The following AUNIP variants were observed in gnomAD, a reference collection of about 807,000 sequenced individuals.
The protein encoded by AUNIP is aurora kinase A and ninein interacting protein, also known as aurora kinase A- and ninein-interacting protein.
A neutral mutation model predicts 12.2 loss-of-function variants in AUNIP; 16 were observed. That is an observed-to-expected ratio of 1.31 (90% CI 0.88 to 1.99). AUNIP has a LOEUF of 1.99. AUNIP is among the 30% of genes most tolerant of loss of function. The pLI is 0.00. For synonymous variants in AUNIP, 142 were observed against 154.8 expected, an observed-to-expected ratio of 0.92 and a Z score of 0.61; for missense variants, 411 against 419.1, an observed-to-expected ratio of 0.98 and a Z score of 0.17.
Position 25,859,454 on chromosome 1 carries a change from C to A in AUNIP, c.-97G>T, listed in dbSNP as rs890264693. 2.6e-6 allele frequency: 3 copies of A among 1,170,152 alleles called. No homozygotes were observed. The highest frequency in any genetic ancestry group is 3.3e-5 in the African/African-American group (2 of 60,692). The allele number at this position is 1,170,152 out of a possible 1,614,324, so 72.5% of individuals were successfully genotyped here. On this transcript the variant is annotated 5_prime_UTR_variant, in exon 1 of 3. Coordinates refer to ENST00000374298, the MANE Select transcript of AUNIP (RefSeq NM_024037.3). ...GGCCGCCGACGTTCGGATCTCGCGC[C>A]AACGCTGGGGGCGGGGCTACGTCGC...
intron 1 of AUNIP, among the ~76,000 whole-genome samples, chr1:25,852,055 T>G (rs1227932603): frequency 1.3e-5 from 2 of 152,132 alleles, no homozygotes; most frequent in Admixed American, 6.6e-5. Context: ...CTGGGTTCAG[T>G]GATCCTTACA....
intron 2 of AUNIP, among the ~76,000 whole-genome samples, chr1:25,837,136 T>TC (rs2048309016): frequency 6.6e-6 from 1 of 152,200 alleles, no homozygotes. Flanking sequence ...CCAGTGCACC[T>TC]CCAACTCCCA....
chr1:25,839,110 C>T lies in AUNIP; in HGVS notation c.79-1556G>A, dbSNP rs1178136203. ...AGATACATGAAAAAATTGATATAAA[C>T]AGCAGACAACAGGCAGTAAAGAATT... On this transcript the variant is annotated intron_variant, in intron 1 of 2. Transcript: ENST00000374298. Among the ~76,000 whole-genome samples the T allele has an allele frequency of 2.0e-5, 3 of 152,186 alleles. No homozygotes were observed. The East Asian group carries it at 5.8e-4, about 29-fold the overall frequency.
intron 1 of AUNIP, among the ~76,000 whole-genome samples, chr1:25,858,953 C>T (rs1427347958): frequency 6.6e-6 from 1 of 152,120 alleles, no homozygotes; most frequent in Non-Finnish European, 1.5e-5. Flanking sequence ...ACTGTGGCCT[C>T]CTAGGGAGCC....
At position 25,847,048 on chromosome 1, in the gene AUNIP, A is replaced by C. The variant is rs2048387776; in HGVS notation, c.79-9494T>G. 6.6e-6 allele frequency among the ~76,000 whole-genome samples: 1 copy of C among 152,234 alleles called. No homozygotes were observed. The highest frequency in any genetic ancestry group is 2.4e-5 in the African/African-American group (1 of 41,468). On this transcript the variant is annotated intron_variant, in intron 1 of 2. Coordinates refer to ENST00000374298, the MANE Select transcript of AUNIP (RefSeq NM_024037.3). The surrounding 1 kb of genome is among the most constrained non-coding windows in gnomAD (Gnocchi z 4.2). ...CAGAAGTATTGTAGTATATGGATAC[A>C]ATCAGCAGCTATATACCTATTCTCC...
chr1:25,842,377 C>T (rs183015569), intron 1 of AUNIP, among the ~76,000 whole-genome samples: 12 of 152,240 alleles, frequency 7.9e-5, no homozygotes, highest in East Asian at 5.8e-4. Flanking sequence ...AGGTGAGGAA[C>T]GCCACAGAAG....
chr1:25,858,182 T>A (rs908984134), intron 1 of AUNIP, among the ~76,000 whole-genome samples: 3 of 151,906 alleles, frequency 2.0e-5, no homozygotes, highest in East Asian at 1.9e-4. Context: ...ATAATAATAA[T>A]AAATAATAAT....
intron 1 of AUNIP, among the ~76,000 whole-genome samples, chr1:25,843,184 A>AT (rs1335436027): frequency 0.077 from 10,614 of 137,132 alleles, 432 homozygotes; most frequent in Non-Finnish European, 0.1. Flanking sequence ...AAAAAAAAAA[A>AT]AATATATATA....
At position 25,847,981 on chromosome 1, in the gene AUNIP, C is replaced by T. The variant is rs1030768182; in HGVS notation, c.79-10427G>A. Among the ~76,000 whole-genome samples, 3 of 151,980 alleles carry T rather than the reference C, an allele frequency of 2.0e-5. No individual in the cohort carries two copies. The highest frequency in any genetic ancestry group is 4.4e-5 in the Non-Finnish European group (3 of 67,968). On this transcript the variant is annotated intron_variant, in intron 1 of 2. Transcript: ENST00000374298. The surrounding 1 kb of genome is among the most constrained non-coding windows in gnomAD (Gnocchi z 4.2). Reference sequence around the variant, plus strand: ...AAAATAAACAACTAAAAATAAACAACTTTCAACTTCTGCCATCCTGGACTA... The same window carrying T: ...AAAATAAACAACTAAAAATAAACAATTTTCAACTTCTGCCATCCTGGACTA...
chr1:25,839,920 C>A (rs758801930), intron 1 of AUNIP, among the ~76,000 whole-genome samples: 1 of 152,180 alleles, frequency 6.6e-6, no homozygotes, highest in Non-Finnish European at 1.5e-5. Context: ...GCCCACCTGG[C>A]CTCCCGAAGT....
Position 25,835,784 on chromosome 1 carries a change from CTT to C in AUNIP, c.281_282del (p.Lys94ArgfsTer58), listed in dbSNP as rs749444706. 2 of 1,614,182 alleles carry C rather than the reference CTT, an allele frequency of 1.2e-6. No individual in the cohort carries two copies. Among genetic ancestry groups the C allele is most frequent in the Non-Finnish European group, 1.7e-6 (2 of 1,180,040 alleles). ...VSSHTESQINKESKKNATQLD... is the reference protein window; with the variant it reads ...VSSHTESQINXESKKNATQLD... ...AGCTGGGTCGCATTTTTCTTGGACT[CTT>C]TGTTGATCTGACTTTCTGTATGAGA... On this transcript the variant is annotated frameshift_variant, in exon 3 of 3. Transcript: ENST00000374298. LOFTEE classifies it low-confidence loss of function (END_TRUNC).
At position 25,852,462 on chromosome 1, in the gene AUNIP, TG is replaced by T. The variant is rs199625219; in HGVS notation, c.78+6817del. Among the ~76,000 whole-genome samples, 504 of 123,920 alleles carry T rather than the reference TG, an allele frequency of 4.1e-3. 11 individuals are homozygous for T. Among genetic ancestry groups the T allele is most frequent in the African/African-American group, 5.5e-3 (179 of 32,368 alleles). The allele number at this position is 123,920 out of a possible 152,430, so 81.3% of individuals were successfully genotyped here. On this transcript the variant is annotated intron_variant, in intron 1 of 2. Coordinates refer to ENST00000374298, the MANE Select transcript of AUNIP (RefSeq NM_024037.3). ...GATTATTTAAGGTTTTTTTTTTTGT[TG>T]TTTTTTTTTTTGAGACAGGAGTTTC...
Position 25,835,810 on chromosome 1 carries a change from G to A in AUNIP, c.257C>T (p.Ser86Phe), listed in dbSNP as rs765567579. 1 of 1,614,150 alleles carries A rather than the reference G, an allele frequency of 6.2e-7. No homozygotes were observed. Among genetic ancestry groups the A allele is most frequent in the Middle Eastern group, 1.6e-4 (1 of 6,062 alleles). ...TTTGTTGATCTGACTTTCTGTATGA[G>A]ATGAAACACTCTTCTGGTCACTGCC... ...TNGSDQKSVS[S>F]HTESQINKES... Residue 86 changes from serine (S) to phenylalanine (F), a missense_variant, in exon 3 of 3, where the codon TCT becomes TTT. Coordinates refer to ENST00000374298, the MANE Select transcript of AUNIP (RefSeq NM_024037.3).
rs766202944 is a variant in AUNIP, at chr1:25,835,338, G to A, written c.729C>T (p.Ala243=). 5 of 1,614,046 alleles carry A rather than the reference G, an allele frequency of 3.1e-6. No individual in the cohort carries two copies. The African/African-American group carries it at 5.3e-5, about 17-fold the overall frequency. ...CCCTGTATGTTTGAAGGAGGACAGG[G>A]GCCTGCCTGTTTTCTTTGGCAGACA... ...RKVSAKENRQ[A]PVLLQTYRES... The change falls in exon 3 of 3, where the codon GCC becomes GCT. Residue 243 remains alanine, a synonymous_variant. Transcript: ENST00000374298.
Position 25,835,180 on chromosome 1 carries a change from C to T in AUNIP, c.887G>A (p.Arg296Gln), listed in dbSNP as rs200719332. 7.1e-5 allele frequency: 114 copies of T among 1,614,178 alleles called. No individual in the cohort carries two copies. The highest frequency in any genetic ancestry group is 2.8e-4 in the African/African-American group (21 of 75,044). The change falls in exon 3 of 3, where the codon CGG (arginine) becomes CAG (glutamine). Residue 296 changes from arginine to glutamine, a missense_variant. Coordinates refer to ENST00000374298, the MANE Select transcript of AUNIP (RefSeq NM_024037.3). Reference sequence around the variant, plus strand: ...AGCTCTAGTGTTGTGGGCAATGACCCGCTGGCCTTGAGAATCTTCAGTGAA... The same window carrying T: ...AGCTCTAGTGTTGTGGGCAATGACCTGCTGGCCTTGAGAATCTTCAGTGAA... ...QLFTEDSQGQRVIAHNTRAPF... is the reference protein window; with the variant it reads ...QLFTEDSQGQQVIAHNTRAPF...
intron 1 of AUNIP, among the ~76,000 whole-genome samples, chr1:25,846,925 A>T (rs912792690): frequency 6.6e-6 from 1 of 152,212 alleles, no homozygotes; most frequent in African/African-American, 2.4e-5. Context: ...CAGTCCTATA[A>T]AAGAAAGACG....
At chr1:25,852,454 T>TG (rs1376060861) in intron 1 of AUNIP, among the ~76,000 whole-genome samples, 4 of 146,248 alleles carry the variant, frequency 2.7e-5, no homozygotes, top group African/African-American at 1.0e-4. Context: ...TAAGGTTTTT[T>TG]TTTTTGTTGT....
downstream of AUNIP, among the ~76,000 whole-genome samples, chr1:25,833,471 C>T (rs957590020): frequency 6.6e-6 from 1 of 152,046 alleles, no homozygotes; most frequent in Non-Finnish European, 1.5e-5. Flanking sequence ...ATGACATACA[C>T]GATAAAAGTA....
intron 1 of AUNIP, among the ~76,000 whole-genome samples, chr1:25,838,513 AAG>A (rs1193547611): frequency 6.6e-6 from 1 of 152,174 alleles, no homozygotes; most frequent in African/African-American, 2.4e-5. Context: ...AAAAAAAAAA[AAG>A]GAAAAAAGAA....
Sources: allele counts gnomAD v4.1 joint callset (sites outside exome capture counted in the v4.1 genomes callset), GRCh38; gene constraint gnomAD v4.1.1; non-coding constraint Gnocchi (gnomAD v3.1); transcripts MANE v1.5; gene names NCBI Gene and HGNC (gene_info 2026-07-23, HGNC 2026-07-21).